SYT9: variants seen among roughly 807,000 people sequenced by gnomAD.
The protein encoded by SYT9 is synaptotagmin 9, also known as synaptotagmin-9.
Under a neutral mutation model 48.4 loss-of-function variants are expected in SYT9, and 22 were observed. The ratio of observed to expected loss-of-function variants is 0.45; its 90% confidence interval spans 0.32 to 0.65. SYT9 has a LOEUF of 0.65. Ranked by LOEUF, SYT9 falls within the 30% of genes least tolerant of loss-of-function variation. The probability of loss-of-function intolerance (pLI) is 0.03; values close to 1 mark genes in which losing one functional copy is unlikely to be tolerated. For missense variants in SYT9, 577 were observed against 622.0 expected (o/e 0.93, Z 0.77); for synonymous variants, 265 against 245.0 (o/e 1.08, Z -0.76).
At chr11:7,417,557 CT>C (rs1174574934) in intron 4 of SYT9, among the ~76,000 whole-genome samples, 4 of 152,162 alleles carry the variant, frequency 2.6e-5, no homozygotes, top group Non-Finnish European at 5.9e-5. Flanking sequence ...TAGGAATTCC[CT>C]TTCTTAAAGA....
intron 1 of SYT9, among the ~76,000 whole-genome samples, chr11:7,272,820 C>G (rs1353752903): frequency 1.3e-5 from 2 of 152,000 alleles, no homozygotes. Flanking sequence ...AATGAGTGTT[C>G]CAGTAAAGCA....
rs773842068 is a variant in SYT9, at chr11:7,303,147, G to A, written c.254G>A (p.Arg85Gln). The A allele has an allele frequency of 1.9e-6, 3 of 1,614,180 alleles. No homozygotes were observed. The highest frequency in any genetic ancestry group is 1.7e-5 in the Admixed American group (1 of 60,020). Reference protein sequence around the residue: ...WKLCWVPWRERGLPSGSKDNN... With the variant: ...WKLCWVPWREQGLPSGSKDNN... Reference sequence around the variant, plus strand: ...CTCTGCTGGGTTCCGTGGCGAGAACGAGGCCTGCCCTCTGGTAGCAAAGAC... The same window carrying A: ...CTCTGCTGGGTTCCGTGGCGAGAACAAGGCCTGCCCTCTGGTAGCAAAGAC... The change falls in exon 2 of 7, where the codon CGA becomes CAA. Residue 85 changes from arginine to glutamine, a missense_variant. Transcript: ENST00000318881.
Position 7,313,802 on chromosome 11 carries a change from A to T in SYT9, c.905A>T (p.Lys302Met). 1 of 1,614,184 alleles carries T rather than the reference A, an allele frequency of 6.2e-7. No homozygotes were observed. The highest frequency in any genetic ancestry group is 1.1e-5 in the South Asian group (1 of 91,082). The change falls in exon 3 of 7, where the codon AAG (lysine) becomes ATG (methionine). Residue 302 changes from lysine (K) to methionine (M), a missense_variant. Physicochemically the swap from Lys to Met is moderately conservative, Grantham distance 95 (BLOSUM62 -1). Coordinates refer to ENST00000318881, the MANE Select transcript of SYT9 (RefSeq NM_175733.4). ...PVPYNDLEAR[K>M]LHFSVYDFDR... Reference sequence around the variant, plus strand: ...CCCTACAATGACCTTGAAGCACGGAAGCTTCACTTCTCTGTGTACGACTTT... The same window carrying T: ...CCCTACAATGACCTTGAAGCACGGATGCTTCACTTCTCTGTGTACGACTTT...
chr11:7,335,454 C>T (rs984900233), intron 3 of SYT9, among the ~76,000 whole-genome samples: 2 of 152,018 alleles, frequency 1.3e-5, no homozygotes, highest in African/African-American at 4.8e-5. Context: ...TTTTCTGATC[C>T]TTTCCCTCCT....
intron 6 of SYT9, among the ~76,000 whole-genome samples, chr11:7,455,334 A>AT (rs34629945): frequency 0.043 from 5,802 of 136,490 alleles, 172 homozygotes; most frequent in African/African-American, 0.053. Context: ...TGTTTAAGCT[A>AT]TTTTTTTTTT....
At chr11:7,268,563 A>G (rs1300983600) in intron 1 of SYT9, among the ~76,000 whole-genome samples, 1 of 151,988 alleles carries the variant, frequency 6.6e-6, no homozygotes, top group Non-Finnish European at 1.5e-5. Flanking sequence ...GGGGTTTAAG[A>G]CTACAGGAAT....
chr11:7,311,058 T>C (rs993902558), intron 2 of SYT9, among the ~76,000 whole-genome samples: 1 of 152,168 alleles, frequency 6.6e-6, no homozygotes, highest in Non-Finnish European at 1.5e-5. Context: ...ATCCCAGCAC[T>C]TTGGGAGGCT....
intron 3 of SYT9, among the ~76,000 whole-genome samples, chr11:7,325,095 A>C (rs373081389): frequency 6.6e-6 from 1 of 152,014 alleles, no homozygotes; most frequent in African/African-American, 2.4e-5. Context: ...TTAGGCCTTC[A>C]AGTGTTCTTT....
intron 3 of SYT9, among the ~76,000 whole-genome samples, chr11:7,319,265 G>C (rs1849298471): frequency 7.4e-6 from 1 of 134,890 alleles, no homozygotes; most frequent in Non-Finnish European, 1.5e-5. Context: ...GGTATCTGTA[G>C]GCTGGCAATA....
At chr11:7,261,104 T>C (rs1848070174) in intron 1 of SYT9, among the ~76,000 whole-genome samples, 2 of 152,188 alleles carry the variant, frequency 1.3e-5, no homozygotes, top group African/African-American at 4.8e-5. Context: ...AGGCATAATT[T>C]TAAAAAATAA....
intron 2 of SYT9, among the ~76,000 whole-genome samples, chr11:7,312,082 A>G (rs527254971): frequency 6.6e-6 from 1 of 152,256 alleles, no homozygotes; most frequent in African/African-American, 2.4e-5. Flanking sequence ...TCTGCTTGCT[A>G]TGGACTGTGT....
chr11:7,454,222 C>G (rs4758186), intron 6 of SYT9: 547,192 of 985,002 alleles, frequency 0.56, 152,999 homozygotes, highest in Non-Finnish European at 0.57. Context: ...TGAGTCCCCA[C>G]CCTTTCTCTC....
chr11:7,389,210 G>A (rs1367904571), intron 3 of SYT9, among the ~76,000 whole-genome samples: 1 of 151,956 alleles, frequency 6.6e-6, no homozygotes, highest in Non-Finnish European at 1.5e-5. Context: ...AGCATTTCTG[G>A]GTCCTGTGAG....
intron 1 of SYT9, among the ~76,000 whole-genome samples, chr11:7,274,287 ACT>A (rs1241576095): frequency 7.0e-6 from 1 of 142,932 alleles, no homozygotes; most frequent in African/African-American, 2.6e-5. Flanking sequence ...ATGATTCTAC[ACT>A]CTTTCCTTAT....
At position 7,303,212 on chromosome 11, in the gene SYT9, A is replaced by G. The variant is rs1467974321; in HGVS notation, c.319A>G (p.Asn107Asp). 4 of 1,613,984 alleles carry G rather than the reference A, an allele frequency of 2.5e-6. No homozygotes were observed. The highest frequency in any genetic ancestry group is 2.7e-5 in the African/African-American group (2 of 74,896). ...EPLNYMDTETNEQENSEDFLD... is the reference protein window; with the variant it reads ...EPLNYMDTETDEQENSEDFLD... ...CCTTAACTACATGGACACAGAGACC[A>G]ATGAGCAGGAGAACAGTGAGGACTT... The change falls in exon 2 of 7, where the codon AAT (asparagine) becomes GAT (aspartate). Residue 107 changes from asparagine to aspartate, a missense_variant. Coordinates refer to ENST00000318881, the MANE Select transcript of SYT9 (RefSeq NM_175733.4).
At chr11:7,330,281 G>T (rs1030135624) in intron 3 of SYT9, among the ~76,000 whole-genome samples, 2 of 152,056 alleles carry the variant, frequency 1.3e-5, no homozygotes, top group Admixed American at 1.3e-4. Context: ...ATAATGCTAA[G>T]TGAAAAAAAG....
At chr11:7,464,724 G>A (rs1848297759) in intron 6 of SYT9, among the ~76,000 whole-genome samples, 1 of 152,120 alleles carries the variant, frequency 6.6e-6, no homozygotes, top group Non-Finnish European at 1.5e-5. Context: ...ATATGGGTAT[G>A]GGTTTCACAG....
intron 3 of SYT9, among the ~76,000 whole-genome samples, chr11:7,371,141 T>C (rs1447098619): frequency 6.6e-6 from 1 of 152,182 alleles, no homozygotes; most frequent in Admixed American, 6.5e-5. Context: ...TCCAGTAAGA[T>C]AAATTCCTCA....
chr11:7,457,907 C>A lies in SYT9; in HGVS notation c.1468-8885C>A, dbSNP rs568418014. On this transcript the variant is annotated intron_variant, in intron 6 of 6. Transcript: ENST00000318881. ...CTGCCATGCTGTCAGCTTATCCCAG[C>A]AATCTTTCAAGGTGCTTCACTGTAT... 3 of 152,350 alleles carry A rather than the reference C, an allele frequency of 2.0e-5. No individual in the cohort carries two copies. In the East Asian group the frequency reaches 5.8e-4, roughly 29 times the overall value. The allele number at this position is 152,350 out of a possible 1,614,324, so 9.4% of individuals were successfully genotyped here.
Sources: gnomAD v4.1 joint callset for allele counts (sites outside exome capture counted in the v4.1 genomes callset) on GRCh38, gnomAD v4.1.1 for gene constraint, MANE v1.5 for transcripts, NCBI Gene and HGNC (gene_info 2026-07-23, HGNC 2026-07-21) for gene names.